The following UNC13C variants were observed in gnomAD, a reference collection of about 807,000 sequenced individuals.
The protein encoded by UNC13C is unc-13 homolog C.
A neutral mutation model predicts 245.4 loss-of-function variants in UNC13C; 174 were observed. The observed-to-expected ratio is 0.71, with a 90% confidence interval of 0.63 to 0.80. The LOEUF (loss-of-function observed/expected upper bound fraction) is 0.80. UNC13C is among the 30% of genes least tolerant of loss of function. The probability of loss-of-function intolerance (pLI) is 0.00; values close to 1 mark genes in which losing one functional copy is unlikely to be tolerated. For missense variants in UNC13C, 2,829 were observed against 2,602.9 expected, an observed-to-expected ratio of 1.09 and a Z score of -1.89; for synonymous variants, 992 against 895.1, an observed-to-expected ratio of 1.11 and a Z score of -1.93.
At chr15:53,890,981 G>A in the UNC13C span, among the ~76,000 whole-genome samples, 2 of 152,012 alleles carry the variant, frequency 1.3e-5, no homozygotes, top group African/African-American at 4.8e-5. Context: ...GATCTTTCCT[G>A]CTTTCTCTTG....
At chr15:54,071,343 TA>T (rs897341071) in intron 2 of UNC13C, among the ~76,000 whole-genome samples, 2 of 152,184 alleles carry the variant, frequency 1.3e-5, no homozygotes, top group Non-Finnish European at 2.9e-5. Context: ...ATACTATATG[TA>T]AAAAACAGTG....
intron 30 of UNC13C, among the ~76,000 whole-genome samples, chr15:54,569,800 A>G (rs1298913161): frequency 6.6e-6 from 1 of 150,706 alleles, no homozygotes; most frequent in Non-Finnish European, 1.5e-5. Context: ...TGAGTATTCA[A>G]TTTTTTTTTC....
intron 2 of UNC13C, among the ~76,000 whole-genome samples, chr15:54,099,481 C>T (rs900275299): frequency 1.3e-5 from 2 of 152,124 alleles, no homozygotes; most frequent in Non-Finnish European, 2.9e-5. Context: ...ACATTTGCTT[C>T]CTAATACCCC....
chr15:54,258,163 C>A (rs1596097614), intron 8 of UNC13C, among the ~76,000 whole-genome samples: 2 of 150,496 alleles, frequency 1.3e-5, no homozygotes, highest in African/African-American at 4.9e-5. Flanking sequence ...TTATGGATGT[C>A]AAAAAAATAA....
At chr15:54,446,775 C>T (rs1177498029) in intron 19 of UNC13C, among the ~76,000 whole-genome samples, 6 of 152,086 alleles carry the variant, frequency 3.9e-5, no homozygotes, top group African/African-American at 1.2e-4. Context: ...AGTTGAACGC[C>T]CTTTATTTCT....
At chr15:54,188,141 C>G (rs907222914) in intron 4 of UNC13C, among the ~76,000 whole-genome samples, 1 of 152,090 alleles carries the variant, frequency 6.6e-6, no homozygotes, top group Non-Finnish European at 1.5e-5. Context: ...TTACTCACCA[C>G]CTGCTCCTCA....
chr15:54,182,538 A>G (rs946031392), intron 4 of UNC13C, among the ~76,000 whole-genome samples: 1 of 151,992 alleles, frequency 6.6e-6, no homozygotes. Context: ...ATGAGTCAGA[A>G]AGGAATCCGT....
intron 29 of UNC13C, among the ~76,000 whole-genome samples, chr15:54,563,057 A>G (rs1053392143): frequency 7.9e-5 from 12 of 152,074 alleles, no homozygotes; most frequent in African/African-American, 1.4e-4. Context: ...GTTAAGCCAC[A>G]TCACCCCTAT....
intron 2 of UNC13C, among the ~76,000 whole-genome samples, chr15:54,064,866 C>T (rs1898003701): frequency 6.6e-6 from 1 of 152,130 alleles, no homozygotes; most frequent in South Asian, 2.1e-4. Flanking sequence ...AGAAAGCTTT[C>T]ATGGAAGAAA....
chr15:54,290,012 C>T (rs1055357719), intron 10 of UNC13C, among the ~76,000 whole-genome samples: 3 of 152,068 alleles, frequency 2.0e-5, no homozygotes, highest in African/African-American at 7.2e-5. Flanking sequence ...GGCTGGGCAT[C>T]CATACATATG....
chr15:54,411,390 G>A (rs1276081221), intron 18 of UNC13C, among the ~76,000 whole-genome samples: 1 of 152,048 alleles, frequency 6.6e-6, no homozygotes, highest in Non-Finnish European at 1.5e-5. Flanking sequence ...ACACCTTTGT[G>A]TTACATCTAG....
Position 54,143,676 on chromosome 15 carries a change from G to A in UNC13C, c.3063G>A (p.Val1021=). Residue 1021 remains valine (V), a synonymous_variant, in exon 4 of 33, where the codon GTG becomes GTA. Coordinates refer to ENST00000260323, the MANE Select transcript of UNC13C (RefSeq NM_001080534.3). ...CTTCCAAATTTTCTGCACTCCAGGTGTGTGGTGGGTAAGTACCTTCATACC... is the reference window on the plus strand; with the variant it reads ...CTTCCAAATTTTCTGCACTCCAGGTATGTGGTGGGTAAGTACCTTCATACC... ...LDASKFSALQ[V]CGGAGGGLYG... 6.2e-7 allele frequency: 1 copy of A among 1,612,904 alleles called. No homozygotes were observed. The highest frequency in any genetic ancestry group is 1.1e-5 in the South Asian group (1 of 90,996).
intron 4 of UNC13C, among the ~76,000 whole-genome samples, chr15:54,171,746 C>A (rs1242481788): frequency 6.6e-6 from 1 of 152,124 alleles, no homozygotes; most frequent in Non-Finnish European, 1.5e-5. Flanking sequence ...AGCAATCCCA[C>A]TGCTAGGTAT....
At chr15:54,415,772 C>A (rs553905790) in intron 19 of UNC13C, among the ~76,000 whole-genome samples, 1 of 152,196 alleles carries the variant, frequency 6.6e-6, no homozygotes, top group South Asian at 2.1e-4. Flanking sequence ...GCCCTGGTCC[C>A]CACCCTCATC....
At chr15:54,384,646 A>G (rs2039798239) in intron 17 of UNC13C, among the ~76,000 whole-genome samples, 1 of 152,056 alleles carries the variant, frequency 6.6e-6, no homozygotes, top group Non-Finnish European at 1.5e-5. Context: ...GGCAACAAAA[A>G]CAAAAATAGA....
intron 4 of UNC13C, among the ~76,000 whole-genome samples, chr15:54,234,528 G>A (rs547247444): frequency 1.8e-4 from 28 of 152,164 alleles, no homozygotes; most frequent in Middle Eastern, 3.4e-3. Context: ...GGGAACTTGC[G>A]GTATAAGGGT....
chr15:54,623,000 A>T (rs1900890767), intron 31 of UNC13C, among the ~76,000 whole-genome samples: 1 of 152,232 alleles, frequency 6.6e-6, no homozygotes, highest in South Asian at 2.1e-4. Flanking sequence ...GTATCTTTAC[A>T]TCATAAAAGT....
intron 17 of UNC13C, among the ~76,000 whole-genome samples, chr15:54,374,018 C>A (rs1048301412): frequency 1.3e-5 from 2 of 152,156 alleles, no homozygotes; most frequent in African/African-American, 2.4e-5. Context: ...TATCATCAGG[C>A]AGGTCATCCC....
intron 2 of UNC13C, among the ~76,000 whole-genome samples, chr15:54,071,375 G>A (rs1465428248): frequency 1.3e-5 from 2 of 152,120 alleles, no homozygotes; most frequent in Non-Finnish European, 2.9e-5. Context: ...AGTAAAATCT[G>A]TAGAAGTAAT....
Sources: allele counts gnomAD v4.1 joint callset (sites outside exome capture counted in the v4.1 genomes callset), GRCh38; gene constraint gnomAD v4.1.1; transcripts MANE v1.5; gene names NCBI Gene and HGNC (gene_info 2026-07-23, HGNC 2026-07-21).